The following JAKMIP2 variants were observed in gnomAD, a reference collection of about 807,000 sequenced individuals.
JAKMIP2 encodes the protein janus kinase and microtubule interacting protein 2.
Under a neutral mutation model 115.0 loss-of-function variants are expected in JAKMIP2, and 25 were observed. That is an observed-to-expected ratio of 0.22 (90% CI 0.16 to 0.30). The LOEUF (loss-of-function observed/expected upper bound fraction) is 0.30, where lower values mean the gene tolerates loss of function less well. Ranked by LOEUF, JAKMIP2 falls within the 10% of genes least tolerant of loss-of-function variation. JAKMIP2 has a pLI of 1.00. For synonymous variants in JAKMIP2, 334 were observed against 343.6 expected, an observed-to-expected ratio of 0.97 and a Z score of 0.31; for missense variants, 642 against 957.6, an observed-to-expected ratio of 0.67 and a Z score of 4.35.
intron 3 of JAKMIP2, among the ~76,000 whole-genome samples, chr5:147,658,162 C>T (rs1031422699): frequency 1.8e-4 from 28 of 151,982 alleles, no homozygotes; most frequent in African/African-American, 6.8e-4. Context: ...AGGCTGATGA[C>T]CTTTGGATGG....
chr5:147,611,041 G>C (rs953479000), intron 20 of JAKMIP2, among the ~76,000 whole-genome samples: 2 of 152,138 alleles, frequency 1.3e-5, no homozygotes, highest in Admixed American at 6.5e-5. Context: ...CCCCCACCAA[G>C]ATCGGGCACC....
chr5:147,721,622 T>C (rs548641347), intron 1 of JAKMIP2, among the ~76,000 whole-genome samples: 10 of 152,236 alleles, frequency 6.6e-5, no homozygotes, highest in African/African-American at 2.4e-4. Flanking sequence ...CCAGGTGCCG[T>C]CAGTCACCCC....
At chr5:147,665,099 A>C (rs1235771590) in intron 2 of JAKMIP2, among the ~76,000 whole-genome samples, 1 of 152,188 alleles carries the variant, frequency 6.6e-6, no homozygotes, top group Non-Finnish European at 1.5e-5. Flanking sequence ...AGTGAATGGA[A>C]GTGGGCATCT....
intron 1 of JAKMIP2, among the ~76,000 whole-genome samples, chr5:147,736,795 T>C (rs1753941565): frequency 6.6e-6 from 1 of 152,184 alleles, no homozygotes; most frequent in African/African-American, 2.4e-5. Flanking sequence ...TTAGGGTCAA[T>C]CTTCACATAT....
intron 2 of JAKMIP2, among the ~76,000 whole-genome samples, chr5:147,665,289 A>C (rs1759238482): frequency 6.6e-6 from 1 of 152,236 alleles, no homozygotes; most frequent in African/African-American, 2.4e-5. Flanking sequence ...AAAGCCTAAA[A>C]TATTCACTAT....
intron 1 of JAKMIP2, among the ~76,000 whole-genome samples, chr5:147,745,201 A>C (rs1754309508): frequency 6.6e-6 from 1 of 152,198 alleles, no homozygotes; most frequent in Admixed American, 6.5e-5. Context: ...TTAGATCTAC[A>C]CTAAGAAACA....
At chr5:147,592,828 C>T (rs1040027960) in intron 21 of JAKMIP2, among the ~76,000 whole-genome samples, 1 of 152,128 alleles carries the variant, frequency 6.6e-6, no homozygotes, top group African/African-American at 2.4e-5. Flanking sequence ...CTTAGTACCC[C>T]AAGGATACTT....
At chr5:147,623,539 T>C in intron 17 of JAKMIP2, 82 bp downstream of exon 17, 5 of 841,270 alleles carry the variant, frequency 5.9e-6, no homozygotes, top group Non-Finnish European at 1.0e-5. Context: ...CAGTGCCAGA[T>C]AAAACTGGTA....
intron 20 of JAKMIP2, among the ~76,000 whole-genome samples, chr5:147,610,611 G>A (rs748619564): frequency 1.3e-5 from 2 of 152,196 alleles, no homozygotes; most frequent in Non-Finnish European, 2.9e-5. Context: ...AGTAGGAGGT[G>A]TCTGTCGAAC....
At chr5:147,629,638 C>T in intron 15 of JAKMIP2, 55 bp downstream of exon 15, 1 of 1,256,820 alleles carries the variant, frequency 8.0e-7, no homozygotes, top group Non-Finnish European at 1.2e-6. Context: ...TGTTAAGTAT[C>T]TCTTGCCTCT....
chr5:147,645,634 AGAGT>A (rs1758098611), intron 5 of JAKMIP2, among the ~76,000 whole-genome samples: 1 of 152,208 alleles, frequency 6.6e-6, no homozygotes, highest in African/African-American at 2.4e-5. Flanking sequence ...CCCATAATTA[AGAGT>A]GAGCATACTC....
intron 17 of JAKMIP2, among the ~76,000 whole-genome samples, chr5:147,621,841 A>G (rs1756864384): frequency 6.6e-6 from 1 of 152,186 alleles, no homozygotes; most frequent in African/African-American, 2.4e-5. Context: ...AGTTATAATG[A>G]TAACATTAAT....
At chr5:147,741,903 A>T (rs1754153529) in intron 1 of JAKMIP2, among the ~76,000 whole-genome samples, 1 of 151,904 alleles carries the variant, frequency 6.6e-6, no homozygotes, top group Non-Finnish European at 1.5e-5. Context: ...CTTAACAATA[A>T]AGGGGACAAT....
intron 1 of JAKMIP2, among the ~76,000 whole-genome samples, chr5:147,779,073 T>A (rs1157498448): frequency 6.6e-6 from 1 of 152,044 alleles, no homozygotes. Flanking sequence ...GCTCCAACCA[T>A]GAGAAACAAA....
intron 1 of JAKMIP2, among the ~76,000 whole-genome samples, chr5:147,715,479 C>A (rs932944377): frequency 6.6e-6 from 1 of 150,784 alleles, no homozygotes; most frequent in African/African-American, 2.4e-5. Flanking sequence ...ATTCATGTTA[C>A]TATATTATAT....
intron 1 of JAKMIP2, among the ~76,000 whole-genome samples, chr5:147,712,651 G>A (rs1297896425): frequency 6.6e-6 from 1 of 152,058 alleles, no homozygotes; most frequent in East Asian, 1.9e-4. Flanking sequence ...GTGGAGGTGG[G>A]GGAGGGGATA....
At chr5:147,605,698 C>T (rs1755973279) in intron 20 of JAKMIP2, among the ~76,000 whole-genome samples, 1 of 152,056 alleles carries the variant, frequency 6.6e-6, no homozygotes, top group Non-Finnish European at 1.5e-5. Context: ...GTTATAAATC[C>T]AGTAATGAGA....
At chr5:147,620,948 A>G (rs1293339948) in intron 17 of JAKMIP2, among the ~76,000 whole-genome samples, 1 of 152,244 alleles carries the variant, frequency 6.6e-6, no homozygotes, top group Non-Finnish European at 1.5e-5. Flanking sequence ...AGCATAAAAG[A>G]TATAATGAAA....
intron 19 of JAKMIP2, 24 bp from the exon 20 acceptor site, chr5:147,612,395 GA>G: frequency 7.1e-7 from 1 of 1,414,992 alleles, no homozygotes; most frequent in South Asian, 1.2e-5. Flanking sequence ...AGAAAAGAAA[GA>G]AAGCATCAGT....
Sources: allele counts gnomAD v4.1 joint callset (sites outside exome capture counted in the v4.1 genomes callset), GRCh38; gene constraint gnomAD v4.1.1; transcripts MANE v1.5; gene names NCBI Gene and HGNC (gene_info 2026-07-23, HGNC 2026-07-21).